ZRANB1: variants seen among roughly 807,000 people sequenced by gnomAD.
The protein encoded by ZRANB1 is zinc finger RANBP2-type containing 1, also known as ubiquitin thioesterase ZRANB1.
In ZRANB1, 16 loss-of-function variants were observed where a neutral mutation model predicts 80.5. The ratio of observed to expected loss-of-function variants is 0.20; its 90% CI spans 0.13 to 0.30. ZRANB1 has a LOEUF of 0.30. Ranked by LOEUF, ZRANB1 falls within the 10% of genes least tolerant of loss-of-function variation. The pLI, the probability that ZRANB1 is intolerant of heterozygous loss-of-function variation, is 1.00. For missense variants in ZRANB1, 576 were observed against 862.6 expected (o/e 0.67, Z 4.16); for synonymous variants, 291 against 293.1 (o/e 0.99, Z 0.07).
At chr10:124,984,114 G>C (rs1305701958) in intron 8 of ZRANB1, among the ~76,000 whole-genome samples, 5 of 152,082 alleles carry the variant, frequency 3.3e-5, no homozygotes, top group African/African-American at 7.2e-5. Flanking sequence ...TTCATTGAAG[G>C]CTTTTTAAAG....
the ZRANB1 span, among the ~76,000 whole-genome samples, chr10:124,929,914 C>A: frequency 7.2e-6 from 1 of 138,398 alleles, no homozygotes; most frequent in African/African-American, 2.7e-5. Context: ...CATCGCACTC[C>A]AGCCTGGGCA....
chr10:124,941,705 T>C (rs147025985), upstream of ZRANB1, among the ~76,000 whole-genome samples: 10 of 152,316 alleles, frequency 6.6e-5, no homozygotes, highest in African/African-American at 2.4e-4. Context: ...ATTTTAATTA[T>C]GAACATTCAC....
At chr10:124,934,654 A>C in the ZRANB1 span, among the ~76,000 whole-genome samples, 120 of 152,310 alleles carry the variant, frequency 7.9e-4, 3 homozygotes, top group Admixed American at 7.8e-3. Flanking sequence ...TGAGTTTTGG[A>C]CATGTTAAGT....
At chr10:124,978,981 T>C (rs1951908282) in intron 5 of ZRANB1, among the ~76,000 whole-genome samples, 2 of 151,962 alleles carry the variant, frequency 1.3e-5, no homozygotes, top group Non-Finnish European at 2.9e-5. Flanking sequence ...GGAGGATTGC[T>C]TGAGCTCAGG....
chr10:124,950,741 T>C (rs998937887), intron 1 of ZRANB1, among the ~76,000 whole-genome samples: 3 of 151,944 alleles, frequency 2.0e-5, no homozygotes, highest in African/African-American at 7.3e-5. Flanking sequence ...CTGTGGGAGG[T>C]TGAGAAGAGG....
intron 1 of ZRANB1, among the ~76,000 whole-genome samples, chr10:124,947,952 A>G (rs1171477029): frequency 1.3e-5 from 2 of 152,212 alleles, no homozygotes; most frequent in Admixed American, 6.5e-5. Flanking sequence ...ATTAAAAGCC[A>G]GAGTCCCTCA....
intron 5 of ZRANB1, among the ~76,000 whole-genome samples, chr10:124,976,175 T>A (rs1191702042): frequency 6.6e-6 from 1 of 152,228 alleles, no homozygotes; most frequent in Non-Finnish European, 1.5e-5. Context: ...AGGGCTCTTT[T>A]GTGCCTCTTA....
At position 124,942,962 on chromosome 10, in the gene ZRANB1, G is replaced by A. The variant is rs762355837; in HGVS notation, c.469G>A (p.Val157Ile). Residue 157 changes from valine to isoleucine, a missense_variant, in exon 1 of 9, where the codon GTT (valine) becomes ATT (isoleucine). By Grantham distance (29) the Val-to-Ile change is conservative (BLOSUM62 3). Coordinates refer to ENST00000359653, the MANE Select transcript of ZRANB1 (RefSeq NM_017580.3). ...TAGGACACAGCACTGGACTTGCTCTGTTTGCACATATGAAAACTGGGCCAA... is the reference window on the plus strand; with the variant it reads ...TAGGACACAGCACTGGACTTGCTCTATTTGCACATATGAAAACTGGGCCAA... ...NTRTQHWTCSVCTYENWAKAK... is the reference protein window; with the variant it reads ...NTRTQHWTCSICTYENWAKAK... 1.3e-5 allele frequency: 21 copies of A among 1,614,096 alleles called. 1 individual carries two copies. The highest frequency in any genetic ancestry group is 1.0e-4 in the Admixed American group (6 of 60,006).
chr10:124,960,841 T>G (rs903496176), intron 1 of ZRANB1, among the ~76,000 whole-genome samples: 26 of 152,242 alleles, frequency 1.7e-4, no homozygotes, highest in African/African-American at 6.3e-4. Flanking sequence ...AAATTTAGTT[T>G]CAAATTCAGC....
intron 1 of ZRANB1, among the ~76,000 whole-genome samples, chr10:124,949,519 ACACAT>A: frequency 1.0e-5 from 1 of 99,340 alleles, no homozygotes; most frequent in African/African-American, 3.0e-5. Flanking sequence ...ACACACACAC[ACACAT>A]TTTTTTTTTT....
At chr10:124,949,672 C>G (rs1951619595) in intron 1 of ZRANB1, among the ~76,000 whole-genome samples, 1 of 151,950 alleles carries the variant, frequency 6.6e-6, no homozygotes, top group Non-Finnish European at 1.5e-5. Flanking sequence ...CAGGTGTATA[C>G]CACCATGCCC....
At chr10:124,923,882 G>A in the ZRANB1 span, among the ~76,000 whole-genome samples, 21 of 151,646 alleles carry the variant, frequency 1.4e-4, no homozygotes, top group African/African-American at 4.9e-4. Context: ...ATGAGATTTG[G>A]GTGGGGACAC....
intron 1 of ZRANB1, among the ~76,000 whole-genome samples, chr10:124,948,308 T>C (rs933378181): frequency 6.6e-6 from 1 of 152,196 alleles, no homozygotes; most frequent in African/African-American, 2.4e-5. Context: ...TACAAATATG[T>C]GTTCGACTGT....
chr10:124,954,633 A>T (rs1015359506), intron 1 of ZRANB1, among the ~76,000 whole-genome samples: 5 of 149,660 alleles, frequency 3.3e-5, no homozygotes, highest in African/African-American at 1.2e-4. Context: ...TTTTTAGTAG[A>T]GATGGGGTTT....
In ZRANB1 at chr10:124,955,096, T is replaced by G. The variant is rs566407926; in HGVS notation, c.815-11498T>G. 3.3e-5 allele frequency among the ~76,000 whole-genome samples: 5 copies of G among 150,256 alleles called. No individual in the cohort carries two copies. The South Asian group carries it at 1.1e-3, about 33-fold the overall frequency. ...GTGAGCCGAGATTGCGCCACTGCAC[T>G]CCAGCCTGGGCCACGGAGACTCTGT... On this transcript the variant is annotated intron_variant, in intron 1 of 8. Coordinates refer to ENST00000359653, the MANE Select transcript of ZRANB1 (RefSeq NM_017580.3).
chr10:124,981,714 A>G lies in ZRANB1; in HGVS notation c.1433A>G (p.Tyr478Cys), dbSNP rs755606353. 6.2e-7 allele frequency: 1 copy of G among 1,607,780 alleles called. No homozygotes were observed. Among genetic ancestry groups the G allele is most frequent in the Non-Finnish European group, 8.5e-7 (1 of 1,178,552 alleles). ...DSLHDCSHWF[Y>C]TRWKDWESWY... ...TTACTATCCTGCTTTTTTAGGTTTT[A>G]CACACGCTGGAAAGATTGGGAATCA... Residue 478 changes from tyrosine (Y) to cysteine (C), a missense_variant, in exon 6 of 9, where the codon TAC becomes TGC. By Grantham distance (194) the Tyr-to-Cys change is radical. Coordinates refer to ENST00000359653, the MANE Select transcript of ZRANB1 (RefSeq NM_017580.3).
At chr10:124,962,234 A>G (rs542906076) in intron 1 of ZRANB1, 139 of 203,498 alleles carry the variant, frequency 6.8e-4, no homozygotes, top group South Asian at 1.7e-3. Context: ...TTCTCTGACC[A>G]TGGTAAAGGA....
the ZRANB1 span, among the ~76,000 whole-genome samples, chr10:124,916,956 C>T: frequency 1.3e-5 from 2 of 151,952 alleles, no homozygotes; most frequent in Admixed American, 6.5e-5. Flanking sequence ...CCGCCTCCCA[C>T]ACCTCAGTGC....
rs112684743 is a variant in ZRANB1 at position 124,972,895 on chromosome 10, A to C, written c.1157-750A>C. Reference sequence around the variant, plus strand: ...TGGGCTCAAGTGATCTCCTGCCTTGACCTCCTGAGTAGCTAGGACTATAGG... The same window carrying C: ...TGGGCTCAAGTGATCTCCTGCCTTGCCCTCCTGAGTAGCTAGGACTATAGG... On this transcript the variant is annotated intron_variant, in intron 3 of 8. Transcript: ENST00000359653. Among the ~76,000 whole-genome samples the C allele has an allele frequency of 5.9e-3, 894 of 150,596 alleles. 7 individuals are homozygous for C. The highest frequency in any genetic ancestry group is 0.018 in the African/African-American group (743 of 41,056).
Sources: allele counts gnomAD v4.1 joint callset (sites outside exome capture counted in the v4.1 genomes callset), GRCh38; gene constraint gnomAD v4.1.1; transcripts MANE v1.5; gene names NCBI Gene and HGNC (gene_info 2026-07-23, HGNC 2026-07-21).